Variants in MYT1L observed in about 807,000 individuals in gnomAD.
MYT1L encodes the protein myelin transcription factor 1-like protein.
MYT1L carries 12 observed loss-of-function variants against 126.7 expected under a neutral mutation model. The ratio of observed to expected loss-of-function variants is 0.09; its 90% CI spans 0.06 to 0.15. The LOEUF (loss-of-function observed/expected upper bound fraction) is 0.15. MYT1L is among the 10% of genes least tolerant of loss of function. The probability of loss-of-function intolerance (pLI) is 1.00; values close to 1 mark genes in which losing one functional copy is unlikely to be tolerated. For synonymous variants in MYT1L, 541 were observed against 604.2 expected (o/e 0.90, Z 1.53); for missense variants, 979 against 1,585.2 (o/e 0.62, Z 6.49).
Position 2,009,909 on chromosome 2 carries a change from T to TG in MYT1L, c.-157-12563_-157-12562insC, listed in dbSNP as rs1260431969. Among the ~76,000 whole-genome samples, 623 of 151,576 alleles carry TG rather than the reference T, an allele frequency of 4.1e-3. 7 individuals are homozygous for TG. The highest frequency in any genetic ancestry group is 0.014 in the African/African-American group (595 of 41,436). ...CTAAACTGTTAAGAGTTTTTTTTTT[T>TG]TTTTTTTTTCATGAAAGGGTGTTGA... On this transcript the variant is annotated intron_variant, in intron 4 of 24. Coordinates refer to ENST00000647738, the MANE Select transcript of MYT1L (RefSeq NM_001303052.2).
chr2:2,049,302 T>C lies in MYT1L; in HGVS notation c.-158+4676A>G, dbSNP rs114688382. Among the ~76,000 whole-genome samples, 614 of 152,328 alleles carry C rather than the reference T, an allele frequency of 4.0e-3. 3 individuals carry two copies. The highest frequency in any genetic ancestry group is 0.014 in the African/African-American group (591 of 41,580). On this transcript the variant is annotated intron_variant, in intron 4 of 24. Transcript: ENST00000647738. Reference sequence around the variant, plus strand: ...GTTCTCTGTGTGTATATACACATAGTACATTATCTATGCACACAAGTGATA... The same window carrying C: ...GTTCTCTGTGTGTATATACACATAGCACATTATCTATGCACACAAGTGATA...
At chr2:1,804,042 C>T (rs977929939) in intron 22 of MYT1L, among the ~76,000 whole-genome samples, 1 of 152,206 alleles carries the variant, frequency 6.6e-6, no homozygotes, top group Admixed American at 6.5e-5. Flanking sequence ...GCCCAGGAAG[C>T]AGTCCCTGGG....
chr2:1,830,059 T>C (rs1425634706), intron 21 of MYT1L, among the ~76,000 whole-genome samples: 1 of 152,128 alleles, frequency 6.6e-6, no homozygotes, highest in East Asian at 1.9e-4. Context: ...GCACAGACAT[T>C]GCAATGGAGC....
intron 2 of MYT1L, among the ~76,000 whole-genome samples, chr2:2,194,079 CAT>C (rs557488545): frequency 6.6e-6 from 1 of 150,750 alleles, no homozygotes; most frequent in African/African-American, 2.4e-5. Flanking sequence ...AGCTATTATT[CAT>C]ATATATATAT....
intron 20 of MYT1L, among the ~76,000 whole-genome samples, chr2:1,839,727 C>T (rs1418091968): frequency 6.6e-6 from 1 of 152,192 alleles, no homozygotes; most frequent in African/African-American, 2.4e-5. Flanking sequence ...AGAACCATGG[C>T]TTTTCAGGTG....
At chr2:2,092,212 C>T (rs1318879789) in intron 3 of MYT1L, among the ~76,000 whole-genome samples, 2 of 152,158 alleles carry the variant, frequency 1.3e-5, no homozygotes. Context: ...ACATAAAACT[C>T]TTCCTTTACT....
At chr2:2,229,751 T>C (rs562753510) in intron 2 of MYT1L, among the ~76,000 whole-genome samples, 2 of 152,294 alleles carry the variant, frequency 1.3e-5, no homozygotes, top group African/African-American at 2.4e-5. Flanking sequence ...CTAAACCTTA[T>C]GCCAACGCAA....
intron 21 of MYT1L, among the ~76,000 whole-genome samples, chr2:1,820,971 A>T (rs1326864199): frequency 6.6e-6 from 1 of 152,170 alleles, no homozygotes; most frequent in African/African-American, 2.4e-5. Flanking sequence ...TGTGGAATGG[A>T]ACTTCTCCTG....
chr2:1,909,793 G>A (rs1474008735), intron 13 of MYT1L, among the ~76,000 whole-genome samples: 3 of 152,128 alleles, frequency 2.0e-5, no homozygotes, highest in Non-Finnish European at 2.9e-5. Context: ...TTTTGCACGC[G>A]AGAGCTTCCA....
chr2:1,805,930 C>A (rs1031618459), intron 22 of MYT1L, among the ~76,000 whole-genome samples: 1 of 152,086 alleles, frequency 6.6e-6, no homozygotes, highest in African/African-American at 2.4e-5. Context: ...GCAAGGGCAA[C>A]AGGAACACAG....
At chr2:2,159,741 C>T (rs2087518821) in intron 3 of MYT1L, among the ~76,000 whole-genome samples, 1 of 151,932 alleles carries the variant, frequency 6.6e-6, no homozygotes, top group African/African-American at 2.4e-5. Context: ...AGCCTTCGGC[C>T]CAGATAACCA....
intron 3 of MYT1L, among the ~76,000 whole-genome samples, chr2:2,058,486 T>C (rs966563639): frequency 1.3e-5 from 2 of 152,232 alleles, no homozygotes; most frequent in African/African-American, 2.4e-5. Context: ...TGTTTATGCA[T>C]TCATGTTCTG....
In MYT1L at chr2:1,791,290, T is replaced by A; in HGVS notation, c.*577A>T. ...AAAACAAACAAACAAAAAAGTCACA[T>A]AATATTTCCAAGCATTGTTCAAAAA... On this transcript the variant is annotated 3_prime_UTR_variant, in exon 25 of 25. Transcript: ENST00000647738. The surrounding 1 kb of genome is among the most constrained non-coding windows in gnomAD (Gnocchi z 6.0). 1 of 465,358 alleles carries A rather than the reference T, an allele frequency of 2.1e-6. No individual in the cohort carries two copies. Among genetic ancestry groups the A allele is most frequent in the Non-Finnish European group, 4.4e-6 (1 of 225,602 alleles). The allele number at this position is 465,358 out of a possible 1,614,324, so 28.8% of individuals were successfully genotyped here.
At chr2:1,825,527 A>T (rs991842782) in intron 21 of MYT1L, 4 of 152,228 alleles carry the variant, frequency 2.6e-5, no homozygotes, top group Admixed American at 6.5e-5. Context: ...AAAGATTGGA[A>T]TTACAGTCTT....
chr2:2,036,657 G>A (rs2066888808), intron 4 of MYT1L, among the ~76,000 whole-genome samples: 1 of 152,176 alleles, frequency 6.6e-6, no homozygotes, highest in Non-Finnish European at 1.5e-5. Flanking sequence ...AACATATCTT[G>A]AATTCTTTTT....
chr2:1,971,718 G>A (rs11687430), intron 8 of MYT1L, among the ~76,000 whole-genome samples: 31,776 of 152,084 alleles, frequency 0.21, 3,605 homozygotes, highest in East Asian at 0.31. Context: ...GCGACAGAGC[G>A]AGACTCCATC....
At chr2:2,108,430 C>T (rs1441236853) in intron 3 of MYT1L, among the ~76,000 whole-genome samples, 4 of 152,186 alleles carry the variant, frequency 2.6e-5, no homozygotes, top group Non-Finnish European at 5.9e-5. Flanking sequence ...CAGCTTCATC[C>T]TAACACCTTG....
At chr2:2,266,433 C>A (rs2095131702) in intron 2 of MYT1L, among the ~76,000 whole-genome samples, 1 of 151,886 alleles carries the variant, frequency 6.6e-6, no homozygotes, top group Non-Finnish European at 1.5e-5. Flanking sequence ...CCCAAAAGGG[C>A]TTTTCTGGAT....
At chr2:1,868,568 C>T (rs762736432) in intron 18 of MYT1L, among the ~76,000 whole-genome samples, 27 of 152,196 alleles carry the variant, frequency 1.8e-4, no homozygotes, top group Non-Finnish European at 3.4e-4. Context: ...AGCCCCCTCT[C>T]CCCGGCCCCG....
Sources: allele counts gnomAD v4.1 joint callset (sites outside exome capture counted in the v4.1 genomes callset), GRCh38; gene constraint gnomAD v4.1.1; non-coding constraint Gnocchi (gnomAD v3.1); transcripts MANE v1.5; gene names NCBI Gene and HGNC (gene_info 2026-07-23, HGNC 2026-07-21).